The following SASS6 variants were observed in gnomAD, a reference collection of about 807,000 sequenced individuals.
The protein encoded by SASS6 is spindle assembly abnormal protein 6 homolog.
A neutral mutation model predicts 94.9 loss-of-function variants in SASS6; 59 were observed. The ratio of observed to expected loss-of-function variants is 0.62; its 90% CI spans 0.50 to 0.77. The LOEUF (loss-of-function observed/expected upper bound fraction) is 0.77. Ranked by LOEUF, SASS6 falls within the 30% of genes least tolerant of loss-of-function variation. The probability of loss-of-function intolerance (pLI) is 0.00; values close to 1 mark genes in which losing one functional copy is unlikely to be tolerated. For synonymous variants in SASS6, 264 were observed against 270.0 expected, an observed-to-expected ratio of 0.98 and a Z score of 0.22; for missense variants, 698 against 734.1, an observed-to-expected ratio of 0.95 and a Z score of 0.57.
chr1:100,106,896 C>G lies in SASS6; in HGVS notation c.1408+16G>C. On this transcript the variant is annotated intron_variant, in intron 12 of 16. Coordinates refer to ENST00000287482, the MANE Select transcript of SASS6 (RefSeq NM_194292.3). ...AAACTACAAACCTCATTTACATTAA[C>G]ACGTAACATACTTACACTTTTCATT... 9.7e-7 allele frequency: 1 copy of G among 1,032,242 alleles called. No individual in the cohort carries two copies. Among genetic ancestry groups the G allele is most frequent in the East Asian group, 2.4e-5 (1 of 41,922 alleles). 63.9% of individuals were successfully genotyped at this position (1,032,242 alleles called of 1,614,324 possible).
intron 13 of SASS6, among the ~76,000 whole-genome samples, chr1:100,103,545 C>T (rs897205346): frequency 2.6e-5 from 4 of 152,120 alleles, no homozygotes; most frequent in African/African-American, 7.2e-5. Flanking sequence ...TATACTGGCA[C>T]CACACATTAA....
intron 14 of SASS6, among the ~76,000 whole-genome samples, chr1:100,102,522 C>CA (rs749815229): frequency 1.3e-5 from 2 of 151,694 alleles, no homozygotes; most frequent in East Asian, 1.9e-4. Flanking sequence ...ACTAAAATTG[C>CA]AAAAAAATTA....
At chr1:100,102,796 A>G (rs1161950445) in intron 14 of SASS6, among the ~76,000 whole-genome samples, 159 bp downstream of exon 14, 1 of 152,160 alleles carries the variant, frequency 6.6e-6, no homozygotes, top group Non-Finnish European at 1.5e-5. Context: ...TTTCCTGTAC[A>G]CATAGATACT....
rs1014133716 is a variant in SASS6 at position 100,083,998 on chromosome 1, A to C, written c.*1330T>G. 6.6e-6 allele frequency: 1 copy of C among 152,012 alleles called. No individual in the cohort carries two copies. The allele number at this position is 152,012 out of a possible 1,614,324, so 9.4% of individuals were successfully genotyped here. On this transcript the variant is annotated 3_prime_UTR_variant, in exon 17 of 17. Coordinates refer to ENST00000287482, the MANE Select transcript of SASS6 (RefSeq NM_194292.3). ...GCAAGTGCTTTCAAGTTACTGTACC[A>C]AGTATTCTCACTAATACAGTAGTGT...
chr1:100,092,405 G>A (rs1322536074), intron 14 of SASS6, among the ~76,000 whole-genome samples: 1 of 152,142 alleles, frequency 6.6e-6, no homozygotes, highest in African/African-American at 2.4e-5. Context: ...AGAATTGACA[G>A]AAGACTTCCT....
At chr1:100,108,173 C>T (rs1452312209) in intron 8 of SASS6, among the ~76,000 whole-genome samples, 169 bp from the exon 9 acceptor site, 2 of 151,682 alleles carry the variant, frequency 1.3e-5, no homozygotes, top group Non-Finnish European at 2.9e-5. Context: ...GGTATAGTAG[C>T]ATATATCTGG....
chr1:100,087,401 G>C (rs1651388106), intron 15 of SASS6, among the ~76,000 whole-genome samples: 1 of 152,202 alleles, frequency 6.6e-6, no homozygotes. Flanking sequence ...AACTAGGATG[G>C]TGATAGCTCA....
intron 7 of SASS6, 33 bp downstream of exon 7, chr1:100,118,985 A>C (rs779942249): frequency 1.4e-6 from 2 of 1,453,554 alleles, no homozygotes; most frequent in African/African-American, 2.8e-5. Context: ...CAGCAATAAA[A>C]GATATTTTTT....
At chr1:100,099,321 G>A (rs1652306708) in intron 14 of SASS6, 1 of 153,676 alleles carries the variant, frequency 6.5e-6, no homozygotes, top group Non-Finnish European at 1.5e-5. Context: ...AGTGTCAGGA[G>A]GATAAGAGAT....
intron 14 of SASS6, among the ~76,000 whole-genome samples, chr1:100,099,852 T>C (rs1288130480): frequency 6.6e-6 from 1 of 152,168 alleles, no homozygotes; most frequent in Non-Finnish European, 1.5e-5. Context: ...ATTGTCTCCC[T>C]AAGCCTTTCA....
chr1:100,110,734 T>C (rs1242846648), intron 7 of SASS6, among the ~76,000 whole-genome samples: 1 of 151,992 alleles, frequency 6.6e-6, no homozygotes, highest in Admixed American at 6.5e-5. Flanking sequence ...TTTTGCTTCT[T>C]CTAAATCCAT....
intron 15 of SASS6, among the ~76,000 whole-genome samples, chr1:100,087,098 C>T (rs1162005033): frequency 6.6e-6 from 1 of 152,178 alleles, no homozygotes; most frequent in Non-Finnish European, 1.5e-5. Flanking sequence ...GATTCTCATG[C>T]TTCAGCCTCC....
At chr1:100,108,083 T>A in intron 8 of SASS6, 79 bp from the exon 9 acceptor site, 1 of 757,806 alleles carries the variant, frequency 1.3e-6, no homozygotes, top group Non-Finnish European at 2.0e-6. Flanking sequence ...TTAAGATGTC[T>A]AACATATTAA....
intron 8 of SASS6, among the ~76,000 whole-genome samples, chr1:100,108,554 A>T (rs1653083979): frequency 6.6e-6 from 1 of 151,960 alleles, no homozygotes; most frequent in African/African-American, 2.4e-5. Flanking sequence ...TCTACAATAG[A>T]TCTCTTCCCA....
chr1:100,084,607 A>T lies in SASS6; in HGVS notation c.*721T>A, dbSNP rs1044492512. On this transcript the variant is annotated 3_prime_UTR_variant, in exon 17 of 17. Coordinates refer to ENST00000287482, the MANE Select transcript of SASS6 (RefSeq NM_194292.3). ...ACAGATTTAACTGCATAATAAAACTACAAATTGAGAAAAACTAGATGAGTA... is the reference window on the plus strand; with the variant it reads ...ACAGATTTAACTGCATAATAAAACTTCAAATTGAGAAAAACTAGATGAGTA... 1 of 152,100 alleles carries T rather than the reference A, an allele frequency of 6.6e-6. No homozygotes were observed. The highest frequency in any genetic ancestry group is 2.4e-5 in the African/African-American group (1 of 41,404). 9.4% of individuals were successfully genotyped at this position (152,100 alleles called of 1,614,324 possible).
In SASS6 at chr1:100,110,454, T is replaced by C; in HGVS notation, c.699A>G (p.Glu233=). ...GGATTTCTAAATCTTTTTTCTGTTGTTCATGCTGCTGTTGATATTGAACCT... is the reference window on the plus strand; with the variant it reads ...GGATTTCTAAATCTTTTTTCTGTTGCTCATGCTGCTGTTGATATTGAACCT... ...QAQVQYQQQH[E]QQKKDLEILH... Residue 233 remains glutamate (E), a synonymous_variant, in exon 8 of 17, where the codon GAA becomes GAG. Coordinates refer to ENST00000287482, the MANE Select transcript of SASS6 (RefSeq NM_194292.3). The C allele has an allele frequency of 1.2e-6, 2 of 1,609,188 alleles. No individual in the cohort carries two copies. The highest frequency in any genetic ancestry group is 1.1e-5 in the South Asian group (1 of 90,480).
chr1:100,129,110 C>T (rs1654831725), intron 1 of SASS6, among the ~76,000 whole-genome samples: 1 of 151,908 alleles, frequency 6.6e-6, no homozygotes, highest in Admixed American at 6.6e-5. Flanking sequence ...CATGGTGGTG[C>T]ATGCCTGTAG....
intron 5 of SASS6, among the ~76,000 whole-genome samples, chr1:100,120,973 C>T (rs1207214451): frequency 6.7e-6 from 1 of 149,728 alleles, no homozygotes; most frequent in Non-Finnish European, 1.5e-5. Context: ...TGGCGTGAAC[C>T]CGGGAGGCGG....
At chr1:100,120,579 C>T in intron 5 of SASS6, 120 bp from the exon 6 acceptor site, 1 of 566,726 alleles carries the variant, frequency 1.8e-6, no homozygotes, top group Admixed American at 3.2e-5. Context: ...TCTTAGGCTC[C>T]ATCTCAAATC....
Sources: gnomAD v4.1 joint callset for allele counts (sites outside exome capture counted in the v4.1 genomes callset) on GRCh38, gnomAD v4.1.1 for gene constraint, MANE v1.5 for transcripts, NCBI Gene and HGNC (gene_info 2026-07-23, HGNC 2026-07-21) for gene names.